C3orf49: variants seen among roughly 807,000 people sequenced by gnomAD.
C3orf49 encodes the protein chromosome 3 open reading frame 49.
Under a neutral mutation model 13.3 loss-of-function variants are expected in C3orf49, and 27 were observed. The ratio of observed to expected loss-of-function variants is 2.02; its 90% CI spans 1.49 to 2.79. C3orf49 has a LOEUF of 2.79. Ranked by LOEUF, C3orf49 falls within the 30% of genes most tolerant of loss-of-function variation. The probability of loss-of-function intolerance (pLI) is 0.00; values close to 1 mark genes in which losing one functional copy is unlikely to be tolerated. For missense variants in C3orf49, 242 were observed against 134.2 expected (o/e 1.80, Z -3.97); for synonymous variants, 87 against 47.6 (o/e 1.83, Z -3.40).
At chr3:63,837,161 G>C (rs1396324282) in intron 5 of C3orf49, among the ~76,000 whole-genome samples, 1 of 151,508 alleles carries the variant, frequency 6.6e-6, no homozygotes, top group Non-Finnish European at 1.5e-5. Context: ...GATTCTTTTG[G>C]ATACAAATTT....
At chr3:63,837,871 C>T in intron 5 of C3orf49, 1 of 940,420 alleles carries the variant, frequency 1.1e-6, no homozygotes, top group Non-Finnish European at 1.6e-6. Flanking sequence ...TTTTTTTAAT[C>T]CAGGTTGATT....
chr3:63,839,870 T>A (rs151214081), intron 5 of C3orf49: 7 of 987,208 alleles, frequency 7.1e-6, no homozygotes, highest in African/African-American at 4.9e-5. Flanking sequence ...AAAAGAAAAT[T>A]ATTGAAATGT....
chr3:63,809,427 T>C, the C3orf49 span, among the ~76,000 whole-genome samples: 1 of 152,226 alleles, frequency 6.6e-6, no homozygotes, highest in Non-Finnish European at 1.5e-5. Flanking sequence ...AGAGGTTATT[T>C]TGATTATGTA....
intron 2 of C3orf49, among the ~76,000 whole-genome samples, chr3:63,826,470 G>A (rs1575797092): frequency 6.6e-6 from 1 of 152,128 alleles, no homozygotes; most frequent in African/African-American, 2.4e-5. Flanking sequence ...AAAATTTCTG[G>A]ATTGAGCACT....
At chr3:63,808,669 C>A in the C3orf49 span, among the ~76,000 whole-genome samples, 13 of 152,318 alleles carry the variant, frequency 8.5e-5, no homozygotes, top group South Asian at 2.7e-3. Context: ...ATTAAAACTT[C>A]TCTTCCAATT....
chr3:63,804,164 C>G, the C3orf49 span, among the ~76,000 whole-genome samples: 1 of 152,080 alleles, frequency 6.6e-6, no homozygotes, highest in Non-Finnish European at 1.5e-5. Flanking sequence ...TGCTTGCCAC[C>G]CACCTTCTGT....
chr3:63,804,181 G>C, the C3orf49 span, among the ~76,000 whole-genome samples: 1 of 152,108 alleles, frequency 6.6e-6, no homozygotes, highest in Non-Finnish European at 1.5e-5. Flanking sequence ...CTGTTGTGTG[G>C]CCCAGTTCCT....
chr3:63,824,274 G>A (rs547524658), intron 2 of C3orf49, among the ~76,000 whole-genome samples: 325 of 152,134 alleles, frequency 2.1e-3, no homozygotes, highest in Non-Finnish European at 4.1e-3. Flanking sequence ...TTTTGTTTCT[G>A]GAAAAAGTAG....
the C3orf49 span, among the ~76,000 whole-genome samples, chr3:63,810,001 T>C: frequency 3.4e-5 from 5 of 148,160 alleles, no homozygotes; most frequent in Non-Finnish European, 7.4e-5. Flanking sequence ...TACAAAAAAT[T>C]AGCCGGGGCA....
chr3:63,832,855 GACT>G (rs1701552023), intron 5 of C3orf49: 1 of 151,970 alleles, frequency 6.6e-6, no homozygotes, highest in Non-Finnish European at 1.5e-5. Flanking sequence ...CTTTTAATAT[GACT>G]ACAACTGAGC....
chr3:63,798,596 C>A, the C3orf49 span, among the ~76,000 whole-genome samples: 2 of 152,072 alleles, frequency 1.3e-5, no homozygotes, highest in Admixed American at 1.3e-4. Context: ...AAAACAGTGG[C>A]AGCCTCTTCC....
At chr3:63,788,715 C>T in the C3orf49 span, among the ~76,000 whole-genome samples, 3 of 149,812 alleles carry the variant, frequency 2.0e-5, no homozygotes, top group African/African-American at 7.4e-5. Context: ...CTATTATTAA[C>T]CCTATTACAA....
chr3:63,792,507 C>G, the C3orf49 span, among the ~76,000 whole-genome samples: 1 of 152,092 alleles, frequency 6.6e-6, no homozygotes, highest in Non-Finnish European at 1.5e-5. Context: ...AACCTTTTCC[C>G]CCCTTTCTCT....
chr3:63,826,776 G>C (rs1701468558), intron 2 of C3orf49: 1 of 152,098 alleles, frequency 6.6e-6, no homozygotes, highest in African/African-American at 2.4e-5. Context: ...AATACATCAA[G>C]GAAAATGTCT....
the C3orf49 span, among the ~76,000 whole-genome samples, chr3:63,792,658 A>C: frequency 6.6e-6 from 1 of 152,322 alleles, no homozygotes; most frequent in Admixed American, 6.5e-5. Flanking sequence ...AACAAGGCCC[A>C]CTGCCTGTTT....
the C3orf49 span, among the ~76,000 whole-genome samples, chr3:63,810,085 G>T: frequency 6.6e-6 from 1 of 151,908 alleles, no homozygotes; most frequent in Non-Finnish European, 1.5e-5. Context: ...TATGGAGGTT[G>T]CAGTGAGCCG....
At position 63,827,740 on chromosome 3, in the gene C3orf49, G is replaced by A. The variant is rs1462760417; in HGVS notation, c.570+15G>A. On this transcript the variant is annotated intron_variant, in intron 3 of 6. Coordinates refer to ENST00000295896, the MANE Select transcript of C3orf49 (RefSeq NM_001355236.2). ...GACTGCAAAAGGTAAAACGCTAAATGAATTTGCCTCTGAAGACTTACACAT... is the reference window on the plus strand; with the variant it reads ...GACTGCAAAAGGTAAAACGCTAAATAAATTTGCCTCTGAAGACTTACACAT... 1 of 701,534 alleles carries A rather than the reference G, an allele frequency of 1.4e-6. No individual in the cohort carries two copies. The highest frequency in any genetic ancestry group is 2.6e-6 in the Non-Finnish European group (1 of 384,538). 43.5% of individuals were successfully genotyped at this position (701,534 alleles called of 1,614,324 possible).
In C3orf49 at chr3:63,819,463, T is replaced by G; in HGVS notation, c.-9T>G. 2.8e-6 allele frequency: 2 copies of G among 702,742 alleles called. No homozygotes were observed. Among genetic ancestry groups the G allele is most frequent in the Non-Finnish European group, 5.2e-6 (2 of 384,854 alleles). 43.5% of individuals were successfully genotyped at this position (702,742 alleles called of 1,614,324 possible). ...TCCAAAACGGCTACTACAGGTGAAG[T>G]TGAGAGCAATGGCCCAACCTCAGCT... On this transcript the variant is annotated 5_prime_UTR_variant, in exon 1 of 7. Transcript: ENST00000295896.
the C3orf49 span, chr3:63,786,119 A>G: frequency 6.6e-6 from 1 of 152,154 alleles, no homozygotes; most frequent in Non-Finnish European, 1.5e-5. Context: ...AGATACATCA[A>G]CTACTTCCCT....
Sources: allele counts gnomAD v4.1 joint callset (sites outside exome capture counted in the v4.1 genomes callset), GRCh38; gene constraint gnomAD v4.1.1; transcripts MANE v1.5; gene names NCBI Gene and HGNC (gene_info 2026-07-23, HGNC 2026-07-21).